CWC27: variants seen among roughly 807,000 people sequenced by gnomAD.
The protein encoded by CWC27 is CWC27 spliceosome associated cyclophilin, also known as spliceosome-associated protein CWC27 homolog.
In CWC27, 47 loss-of-function variants were observed where a neutral mutation model predicts 63.6. The ratio of observed to expected loss-of-function variants is 0.74; its 90% CI spans 0.58 to 0.94. CWC27 has a LOEUF of 0.94. Ranked by LOEUF, CWC27 falls within the 40% of genes least tolerant of loss-of-function variation. CWC27 has a pLI of 0.00. For missense variants in CWC27, 495 were observed against 554.3 expected (o/e 0.89, Z 1.07); for synonymous variants, 175 against 179.8 (o/e 0.97, Z 0.22).
At chr5:64,894,679 A>G (rs972580950) in intron 11 of CWC27, among the ~76,000 whole-genome samples, 1 of 152,218 alleles carries the variant, frequency 6.6e-6, no homozygotes, top group Non-Finnish European at 1.5e-5. Flanking sequence ...ATCTTTTGAT[A>G]TGTTCCTATG....
At chr5:64,991,875 C>A (rs1749542930) in intron 13 of CWC27, among the ~76,000 whole-genome samples, 1 of 152,084 alleles carries the variant, frequency 6.6e-6, no homozygotes, top group Admixed American at 6.6e-5. Context: ...AATGTGAGGT[C>A]CCTTCATTTA....
intron 11 of CWC27, among the ~76,000 whole-genome samples, chr5:64,908,805 A>G (rs1408688867): frequency 1.3e-5 from 2 of 152,232 alleles, no homozygotes; most frequent in Admixed American, 1.3e-4. Context: ...TCTCCTAAAT[A>G]GAGCACACTG....
intron 7 of CWC27, among the ~76,000 whole-genome samples, chr5:64,790,276 A>G (rs1421114050): frequency 2.0e-5 from 3 of 152,116 alleles, no homozygotes; most frequent in Non-Finnish European, 4.4e-5. Flanking sequence ...TCAAAACTAA[A>G]TTCATTTTTT....
At chr5:64,817,136 G>C (rs927023198) in intron 10 of CWC27, among the ~76,000 whole-genome samples, 1 of 152,052 alleles carries the variant, frequency 6.6e-6, no homozygotes, top group African/African-American at 2.4e-5. Context: ...TTTGCACCAA[G>C]CATATTCTTC....
chr5:64,909,417 GGTT>G lies in CWC27; in HGVS notation c.1042+23875_1042+23877del, dbSNP rs549287206. 1.4e-3 allele frequency among the ~76,000 whole-genome samples: 219 copies of G among 152,112 alleles called. 1 individual carries two copies. The highest frequency in any genetic ancestry group is 4.8e-3 in the African/African-American group (201 of 41,492). On this transcript the variant is annotated intron_variant, in intron 11 of 13. Coordinates refer to ENST00000381070, the MANE Select transcript of CWC27 (RefSeq NM_005869.4). The stretch of plus-strand genomic sequence containing the variant: ...TGAATCTGACGATTATGTGTCTTGG[GGTT>G]GTTCTTCTCAAGGAGTATCTTTGTG...
chr5:64,912,109 T>C (rs1162419909), intron 11 of CWC27, among the ~76,000 whole-genome samples: 1 of 148,348 alleles, frequency 6.7e-6, no homozygotes, highest in Non-Finnish European at 1.5e-5. Flanking sequence ...AGAAAGAAAG[T>C]AGACAGACCT....
intron 11 of CWC27, among the ~76,000 whole-genome samples, chr5:64,926,443 T>C (rs1328790898): frequency 6.6e-6 from 1 of 151,808 alleles, no homozygotes; most frequent in Non-Finnish European, 1.5e-5. Context: ...TTGCTTGCTG[T>C]ACATTAGGAT....
intron 11 of CWC27, among the ~76,000 whole-genome samples, chr5:64,954,353 A>C (rs755305541): frequency 6.6e-6 from 1 of 152,138 alleles, no homozygotes; most frequent in Non-Finnish European, 1.5e-5. Flanking sequence ...CAGTAGCACA[A>C]TCATGGCTCA....
At chr5:64,785,790 A>T (rs1743861787) in intron 5 of CWC27, among the ~76,000 whole-genome samples, 1 of 152,140 alleles carries the variant, frequency 6.6e-6, no homozygotes, top group Non-Finnish European at 1.5e-5. Context: ...CTGATAATCC[A>T]ATGACTGAAA....
chr5:64,997,864 C>G (rs1021820152), intron 13 of CWC27, among the ~76,000 whole-genome samples: 1 of 152,240 alleles, frequency 6.6e-6, no homozygotes, highest in South Asian at 2.1e-4. Flanking sequence ...TTCCATTCCT[C>G]TCTCTTAGCC....
chr5:64,787,518 G>C (rs979137934), intron 6 of CWC27, among the ~76,000 whole-genome samples: 1 of 151,426 alleles, frequency 6.6e-6, no homozygotes, highest in Non-Finnish European at 1.5e-5. Flanking sequence ...AATTTAACTT[G>C]TATTTAACTT....
chr5:64,995,626 A>G (rs1749617604), intron 13 of CWC27, among the ~76,000 whole-genome samples: 1 of 151,994 alleles, frequency 6.6e-6, no homozygotes, highest in South Asian at 2.1e-4. Context: ...TTCCCCATGG[A>G]TATTAAATGT....
intron 7 of CWC27, among the ~76,000 whole-genome samples, chr5:64,796,933 G>A (rs1398818958): frequency 7.6e-6 from 1 of 131,536 alleles, no homozygotes; most frequent in East Asian, 2.2e-4. Context: ...TTCTCTCCCT[G>A]TCTCCCCCGT....
chr5:64,836,635 G>C (rs1174269756), intron 10 of CWC27, among the ~76,000 whole-genome samples: 1 of 151,990 alleles, frequency 6.6e-6, no homozygotes, highest in Non-Finnish European at 1.5e-5. Context: ...AGCCTAATTT[G>C]ATGTGAGTTA....
At position 65,003,170 on chromosome 5, in the gene CWC27, C is replaced by A. The variant is rs117657138; in HGVS notation, c.1257-14989C>A. On this transcript the variant is annotated intron_variant, in intron 13 of 13. Coordinates refer to ENST00000381070, the MANE Select transcript of CWC27 (RefSeq NM_005869.4). The stretch of plus-strand genomic sequence containing the variant: ...TCCATCCCTTCATTTTCAGTCTATA[C>A]GTGTCTTTACAGGTGAAGTGAGTTC... 9.9e-4 allele frequency among the ~76,000 whole-genome samples: 150 copies of A among 152,252 alleles called. No homozygotes were observed. The East Asian group carries it at 0.024, about 24-fold the overall frequency.
intron 10 of CWC27, among the ~76,000 whole-genome samples, chr5:64,817,945 G>T (rs757856058): frequency 1.3e-5 from 2 of 151,800 alleles, no homozygotes; most frequent in Non-Finnish European, 2.9e-5. Context: ...TATTTTTTGT[G>T]TACTCACATT....
chr5:64,937,366 T>C (rs931912694), intron 11 of CWC27, among the ~76,000 whole-genome samples: 2 of 152,352 alleles, frequency 1.3e-5, no homozygotes, highest in African/African-American at 4.8e-5. Flanking sequence ...CCAGTAGTCA[T>C]TCAGGAGCAG....
At chr5:65,010,198 C>T (rs537838314) in intron 13 of CWC27, among the ~76,000 whole-genome samples, 1 of 152,092 alleles carries the variant, frequency 6.6e-6, no homozygotes, top group South Asian at 2.1e-4. Flanking sequence ...TTAAACTGGG[C>T]TTTGAAAAAA....
intron 13 of CWC27, among the ~76,000 whole-genome samples, chr5:65,016,046 A>G (rs1750042727): frequency 6.6e-6 from 1 of 152,146 alleles, no homozygotes; most frequent in Non-Finnish European, 1.5e-5. Flanking sequence ...AACTGCATAA[A>G]TCTGGTTTAA....
Sources: gnomAD v4.1 joint callset for allele counts (sites outside exome capture counted in the v4.1 genomes callset) on GRCh38, gnomAD v4.1.1 for gene constraint, MANE v1.5 for transcripts, NCBI Gene and HGNC (gene_info 2026-07-23, HGNC 2026-07-21) for gene names.